ATP8B1: variants seen among roughly 807,000 people sequenced by gnomAD.
ATP8B1 encodes ATPase phospholipid transporting 8B1, also known as phospholipid-transporting ATPase IC.
In ATP8B1, 80 loss-of-function variants were observed where a neutral mutation model predicts 149.9. That is an observed-to-expected ratio of 0.53 (90% CI 0.45 to 0.64). ATP8B1 has a LOEUF of 0.64. Ranked by LOEUF, ATP8B1 falls within the 30% of genes least tolerant of loss-of-function variation. ATP8B1 has a pLI of 0.00. For synonymous variants in ATP8B1, 536 were observed against 562.8 expected (o/e 0.95, Z 0.67); for missense variants, 1,247 against 1,552.6 (o/e 0.80, Z 3.31).
At position 57,680,929 on chromosome 18, in the gene ATP8B1, C is replaced by T. The variant is rs1445932387; in HGVS notation, c.1630+3107G>A. Among the ~76,000 whole-genome samples the T allele has an allele frequency of 3.3e-5, 5 of 152,146 alleles. No homozygotes were observed. The East Asian group carries it at 9.6e-4, about 29-fold the overall frequency. ...ATTCTGCTCTCACATGACCTCTGTGCAGGCGGGAGTCTGCAATGGCCTCAA... is the reference window on the plus strand; with the variant it reads ...ATTCTGCTCTCACATGACCTCTGTGTAGGCGGGAGTCTGCAATGGCCTCAA... On this transcript the variant is annotated intron_variant, in intron 15 of 27. Coordinates refer to ENST00000648908, the MANE Select transcript of ATP8B1 (RefSeq NM_001374385.1).
chr18:57,662,412 G>T, intron 21 of ATP8B1, 71 bp downstream of exon 21: 1 of 1,578,934 alleles, frequency 6.3e-7, no homozygotes, highest in Non-Finnish European at 8.7e-7. Context: ...ACATGTGAAA[G>T]CATCTAAAAG....
chr18:57,783,434 T>C (rs755209257), intron 1 of ATP8B1, among the ~76,000 whole-genome samples: 9 of 152,214 alleles, frequency 5.9e-5, no homozygotes, highest in Non-Finnish European at 1.0e-4. Flanking sequence ...CCTTTAATAA[T>C]ATAGAAAGAC....
chr18:57,684,876 C>T (rs1174790410), intron 14 of ATP8B1, among the ~76,000 whole-genome samples, 196 bp downstream of exon 14: 2 of 152,106 alleles, frequency 1.3e-5, no homozygotes, highest in African/African-American at 2.4e-5. Context: ...GGGGACACCA[C>T]GTGACAACAA....
chr18:57,746,241 T>G (rs2079962639), intron 1 of ATP8B1, among the ~76,000 whole-genome samples: 1 of 152,128 alleles, frequency 6.6e-6, no homozygotes, highest in Non-Finnish European at 1.5e-5. Flanking sequence ...GAGCAATTGC[T>G]CATATACTGG....
intron 15 of ATP8B1, among the ~76,000 whole-genome samples, chr18:57,682,348 C>T (rs747479938): frequency 9.2e-5 from 14 of 152,116 alleles, no homozygotes; most frequent in African/African-American, 2.7e-4. Context: ...ACTACAACAC[C>T]GAGGAAGGTG....
At chr18:57,768,919 A>G (rs964766618) in intron 1 of ATP8B1, among the ~76,000 whole-genome samples, 5 of 152,156 alleles carry the variant, frequency 3.3e-5, no homozygotes, top group African/African-American at 9.7e-5. Context: ...AAATTCAGAG[A>G]TGTTCTTGTT....
chr18:57,667,560 T>G (rs182912774), intron 19 of ATP8B1: 5 of 209,982 alleles, frequency 2.4e-5, no homozygotes. Flanking sequence ...AGGAATCACA[T>G]GCAGAAGAAA....
rs760501035 is a variant in ATP8B1, at chr18:57,731,667, G to A, written c.141C>T (p.Val47=). 1.2e-6 allele frequency: 2 copies of A among 1,614,034 alleles called. No homozygotes were observed. Among genetic ancestry groups the A allele is most frequent in the South Asian group, 2.2e-5 (2 of 91,070 alleles). ...CCCGGTTCTCCTCTGCTTCCCTGTT[G>A]ACTCGGTTTTGTTCTGGTTCAACAG... ...GSAVEPEQNR[V]NREAEENREP... The change falls in exon 2 of 28, where the codon GTC becomes GTT. Residue 47 remains valine (V), a synonymous_variant. Coordinates refer to ENST00000648908, the MANE Select transcript of ATP8B1 (RefSeq NM_001374385.1).
chr18:57,683,990 C>A (rs2122818143), intron 15 of ATP8B1, 46 bp downstream of exon 15: 1 of 1,613,348 alleles, frequency 6.2e-7, no homozygotes, highest in East Asian at 2.2e-5. Flanking sequence ...TACCTGGAAA[C>A]AAAAAACCTG....
intron 1 of ATP8B1, among the ~76,000 whole-genome samples, chr18:57,787,507 A>C (rs573181890): frequency 2.4e-4 from 35 of 147,520 alleles, no homozygotes; most frequent in African/African-American, 4.3e-4. Flanking sequence ...ATCTAGAACA[A>C]TGCGGGTGGA....
chr18:57,696,874 TTGAAAACTGGTC>T (rs1338057825), intron 8 of ATP8B1, among the ~76,000 whole-genome samples: 2 of 152,234 alleles, frequency 1.3e-5, no homozygotes, highest in African/African-American at 4.8e-5. Context: ...AATAAATGCC[TTGAAAACTGGTC>T]AGAAAACTGG....
intron 1 of ATP8B1, among the ~76,000 whole-genome samples, chr18:57,782,775 C>A (rs1043262824): frequency 6.8e-5 from 10 of 146,256 alleles, no homozygotes; most frequent in African/African-American, 2.3e-4. Context: ...CTAAATGATA[C>A]CTGGCTCAGA....
chr18:57,660,361 G>T (rs1910310369), intron 22 of ATP8B1, among the ~76,000 whole-genome samples: 1 of 152,154 alleles, frequency 6.6e-6, no homozygotes, highest in Non-Finnish European at 1.5e-5. Context: ...ACTCACACCA[G>T]GTGACCCAAT....
intron 21 of ATP8B1, 68 bp from the exon 22 acceptor site, chr18:57,661,530 T>C: frequency 1.3e-6 from 2 of 1,519,382 alleles, no homozygotes; most frequent in Non-Finnish European, 1.8e-6. Context: ...ATTCCCAAGA[T>C]TTAAATTATG....
rs554473052 is a variant in ATP8B1, at chr18:57,684,678, A to G, written c.1473+394T>C. On this transcript the variant is annotated intron_variant, in intron 14 of 27. Transcript: ENST00000648908. ...AAGGTACTTTGTGGTGGACTAAACTATGTTCCCCCAAAAGATATGTTGAAA... is the reference window on the plus strand; with the variant it reads ...AAGGTACTTTGTGGTGGACTAAACTGTGTTCCCCCAAAAGATATGTTGAAA... Among the ~76,000 whole-genome samples the G allele has an allele frequency of 3.9e-3, 595 of 152,210 alleles. 7 individuals carry two copies. Among genetic ancestry groups the G allele is most frequent in the African/African-American group, 0.013 (549 of 41,538 alleles).
At chr18:57,760,076 G>C (rs981245037) in intron 1 of ATP8B1, among the ~76,000 whole-genome samples, 3 of 152,130 alleles carry the variant, frequency 2.0e-5, no homozygotes, top group Non-Finnish European at 2.9e-5. Context: ...GCAAGAAGGA[G>C]GTTGGTGCTG....
intron 19 of ATP8B1, chr18:57,667,942 A>G: frequency 1.9e-6 from 1 of 528,830 alleles, no homozygotes; most frequent in Non-Finnish European, 2.8e-6. Flanking sequence ...AAAGTAAAGT[A>G]TCAATACCAA....
At chr18:57,730,006 C>T (rs1048544164) in intron 2 of ATP8B1, among the ~76,000 whole-genome samples, 90 of 152,080 alleles carry the variant, frequency 5.9e-4, no homozygotes, top group Non-Finnish European at 1.0e-3. Flanking sequence ...GGAAAGGTAG[C>T]GGACACACAA....
intron 1 of ATP8B1, among the ~76,000 whole-genome samples, chr18:57,773,686 A>G (rs1047130781): frequency 1.3e-5 from 2 of 152,146 alleles, no homozygotes; most frequent in Non-Finnish European, 2.9e-5. Flanking sequence ...ATTATCCCCC[A>G]GGCTTCCTCA....
Sources: gnomAD v4.1 joint callset for allele counts (sites outside exome capture counted in the v4.1 genomes callset) on GRCh38, gnomAD v4.1.1 for gene constraint, MANE v1.5 for transcripts, NCBI Gene and HGNC (gene_info 2026-07-23, HGNC 2026-07-21) for gene names.